CPLX2: variants seen among roughly 807,000 people sequenced by gnomAD.
The protein encoded by CPLX2 is complexin-2.
A neutral mutation model predicts 16.3 loss-of-function variants in CPLX2; 5 were observed. That is an observed-to-expected ratio of 0.31 (90% confidence interval 0.16 to 0.64). The LOEUF (loss-of-function observed/expected upper bound fraction) is 0.64. Ranked by LOEUF, CPLX2 falls within the 30% of genes least tolerant of loss-of-function variation. The pLI, the probability that CPLX2 is intolerant of heterozygous loss-of-function variation, is 0.79. For missense variants in CPLX2, 144 were observed against 181.4 expected (o/e 0.79, Z 1.18); for synonymous variants, 89 against 73.2 (o/e 1.22, Z -1.10).
At chr5:175,869,598 G>A (rs371529762), upstream of CPLX2, among the ~76,000 whole-genome samples, 10 of 152,192 alleles carry the variant, frequency 6.6e-5, no homozygotes, top group African/African-American at 2.4e-4. Flanking sequence ...TACTTTGCCA[G>A]GCACGTTACT....
intron 2 of CPLX2, among the ~76,000 whole-genome samples, chr5:175,820,772 A>G (rs897431126): frequency 6.6e-6 from 1 of 152,190 alleles, no homozygotes; most frequent in African/African-American, 2.4e-5. Flanking sequence ...CAAGAGGCCC[A>G]CCAGCTCCCT....
chr5:175,820,959 C>G (rs1238796913), intron 2 of CPLX2, among the ~76,000 whole-genome samples: 1 of 152,146 alleles, frequency 6.6e-6, no homozygotes, highest in Non-Finnish European at 1.5e-5. Flanking sequence ...AACTCCCAGG[C>G]CTGCTGCTGG....
chr5:175,810,562 A>G (rs73803055), intron 2 of CPLX2, among the ~76,000 whole-genome samples: 2,513 of 152,296 alleles, frequency 0.017, 66 homozygotes, highest in African/African-American at 0.056. Flanking sequence ...TGGCTGCTCA[A>G]TACGTGTGTA....
In CPLX2 at chr5:175,880,060, C is replaced by A; in HGVS notation, c.*15C>A. ...TCAAGAAGTAACCAGGCCTCCTGCC[C>A]CAGCCTACTCCACCTGTTACTACTT... On this transcript the variant is annotated 3_prime_UTR_variant, in exon 4 of 4. Coordinates refer to ENST00000393745, the MANE Select transcript of CPLX2 (RefSeq NM_001008220.2). 1 of 1,604,842 alleles carries A rather than the reference C, an allele frequency of 6.2e-7. No individual in the cohort carries two copies. Among genetic ancestry groups the A allele is most frequent in the South Asian group, 1.1e-5 (1 of 89,418 alleles).
chr5:175,880,520 C>A lies in CPLX2; in HGVS notation c.*475C>A, dbSNP rs774779137. ...GGAAGGGAGTCAGGGGAAGCCTGTC[C>A]CGGGAAGGCCCAGGCTGAGAGGCCC... is the stretch of plus-strand genomic sequence containing the variant. On this transcript the variant is annotated 3_prime_UTR_variant, in exon 4 of 4. Transcript: ENST00000393745. The A allele has an allele frequency of 6.8e-5, 13 of 191,508 alleles. No homozygotes were observed. Among genetic ancestry groups the A allele is most frequent in the Non-Finnish European group, 1.3e-4 (12 of 92,008 alleles). The allele number at this position is 191,508 out of a possible 1,614,324, so 11.9% of individuals were successfully genotyped here. A position where few individuals can be genotyped will look rare whatever the true frequency, so the allele number is the denominator to read the frequency against.
rs1466121325 is a variant in CPLX2, at chr5:175,849,745, G to T, written c.-88-28907G>T. Among the ~76,000 whole-genome samples, 1 of 152,170 alleles carries T rather than the reference G, an allele frequency of 6.6e-6. No homozygotes were observed. The highest frequency in any genetic ancestry group is 2.4e-5 in the African/African-American group (1 of 41,428). ...GTGTTATAGCTCCCCTGCTGCGTGA[G>T]CTCCAACAGGGCCCTGGACCCCACC... On this transcript the variant is annotated intron_variant, in intron 2 of 4. Transcript: ENST00000359546. This position sits in a 1 kb window ranked among gnomAD's most constrained non-coding sequence, Gnocchi z 4.4.
At chr5:175,819,270 G>A (rs1758465862) in intron 2 of CPLX2, among the ~76,000 whole-genome samples, 1 of 152,150 alleles carries the variant, frequency 6.6e-6, no homozygotes, top group Admixed American at 6.5e-5. Context: ...AAGGAGTGGA[G>A]TTGCTGCATC....
chr5:175,815,857 G>A (rs1002598539), intron 2 of CPLX2, among the ~76,000 whole-genome samples: 1 of 152,192 alleles, frequency 6.6e-6, no homozygotes, highest in African/African-American at 2.4e-5. Context: ...CTTTTTGACT[G>A]TAAGCTCCTT....
At chr5:175,847,678 A>AG (rs1269279708) in intron 2 of CPLX2, among the ~76,000 whole-genome samples, 1 of 152,198 alleles carries the variant, frequency 6.6e-6, no homozygotes, top group Non-Finnish European at 1.5e-5. Flanking sequence ...CAACTCCTGC[A>AG]GGGGGCATGA....
chr5:175,802,124 A>C (rs1392977615), intron 1 of CPLX2, among the ~76,000 whole-genome samples: 1 of 152,182 alleles, frequency 6.6e-6, no homozygotes, highest in East Asian at 1.9e-4. Context: ...TGTGGGGTAC[A>C]TTGCTGAATT....
At chr5:175,804,079 A>T (rs1159117287) in intron 1 of CPLX2, among the ~76,000 whole-genome samples, 1 of 151,854 alleles carries the variant, frequency 6.6e-6, no homozygotes, top group Non-Finnish European at 1.5e-5. Flanking sequence ...TTTTTATGCA[A>T]TTTTTTTTTA....
rs906930493 is a variant in CPLX2, at chr5:175,882,306, C to T, written c.*2261C>T. ...TCCTGGGCCAGAGACAGGCAGGGCC[C>T]AGTCCAGGGGCCCCAGGCCTCCCCA... On this transcript the variant is annotated 3_prime_UTR_variant, in exon 4 of 4. Coordinates refer to ENST00000393745, the MANE Select transcript of CPLX2 (RefSeq NM_001008220.2). 3 of 152,668 alleles carry T rather than the reference C, an allele frequency of 2.0e-5. No homozygotes were observed. The highest frequency in any genetic ancestry group is 7.2e-5 in the African/African-American group (3 of 41,442). The allele number at this position is 152,668 out of a possible 1,614,324, so 9.5% of individuals were successfully genotyped here.
upstream of CPLX2, among the ~76,000 whole-genome samples, chr5:175,868,691 G>T (rs1759523513): frequency 6.6e-6 from 1 of 151,804 alleles, no homozygotes; most frequent in African/African-American, 2.4e-5. Flanking sequence ...GTGAATTCGT[G>T]GCAGGTTTTT....
At chr5:175,865,547 C>A (rs1759458233) in intron 2 of CPLX2, among the ~76,000 whole-genome samples, 1 of 152,224 alleles carries the variant, frequency 6.6e-6, no homozygotes, top group Non-Finnish European at 1.5e-5. Flanking sequence ...TCCAGGGTCA[C>A]TTCCAACTTC....
intron 3 of CPLX2, among the ~76,000 whole-genome samples, 166 bp downstream of exon 3, chr5:175,879,249 C>T (rs1026368950): frequency 1.3e-5 from 2 of 152,210 alleles, no homozygotes; most frequent in African/African-American, 4.8e-5. Flanking sequence ...TCACCTCCCT[C>T]AAGGGATCCT....
intron 2 of CPLX2, among the ~76,000 whole-genome samples, chr5:175,854,739 C>G (rs1036825249): frequency 6.6e-6 from 1 of 152,140 alleles, no homozygotes; most frequent in Non-Finnish European, 1.5e-5. Context: ...CAGCAGCCTA[C>G]GAGACAGCAG....
At chr5:175,827,155 C>A (rs901721803) in intron 2 of CPLX2, among the ~76,000 whole-genome samples, 2 of 152,180 alleles carry the variant, frequency 1.3e-5, no homozygotes, top group East Asian at 3.9e-4. Context: ...GGGTCACATG[C>A]CCTTCCCTGC....
intron 2 of CPLX2, among the ~76,000 whole-genome samples, chr5:175,851,795 T>C (rs937347626): frequency 1.3e-5 from 2 of 152,230 alleles, no homozygotes; most frequent in African/African-American, 4.8e-5. Context: ...TCCCAGGGAC[T>C]AGGTTCCAGA....
chr5:175,816,167 A>G (rs1758403068), intron 2 of CPLX2, among the ~76,000 whole-genome samples: 1 of 150,750 alleles, frequency 6.6e-6, no homozygotes, highest in Admixed American at 6.6e-5. Context: ...GAGAACTCAC[A>G]GTCACTCTTT....
Sources: gnomAD v4.1 joint callset for allele counts (sites outside exome capture counted in the v4.1 genomes callset) on GRCh38, gnomAD v4.1.1 for gene constraint, Gnocchi (gnomAD v3.1) non-coding constraint, MANE v1.5 for transcripts, NCBI Gene and HGNC (gene_info 2026-07-23, HGNC 2026-07-21) for gene names.